RWDD1: variants seen among roughly 807,000 people sequenced by gnomAD.
RWDD1 encodes RWD domain-containing protein 1.
In RWDD1, 17 loss-of-function variants were observed where a neutral mutation model predicts 31.6. That is an observed-to-expected ratio of 0.54 (90% CI 0.37 to 0.81). The LOEUF (loss-of-function observed/expected upper bound fraction) is 0.81, where lower values mean the gene tolerates loss of function less well. Ranked by LOEUF, RWDD1 falls within the 30% of genes least tolerant of loss-of-function variation. The pLI, the probability that RWDD1 is intolerant of heterozygous loss-of-function variation, is 0.00. For missense variants in RWDD1, 204 were observed against 274.5 expected (o/e 0.74, Z 1.82); for synonymous variants, 78 against 94.2 (o/e 0.83, Z 0.99).
intron 1 of RWDD1, among the ~76,000 whole-genome samples, chr6:116,576,604 C>T (rs1774846736): frequency 6.6e-6 from 1 of 152,178 alleles, no homozygotes; most frequent in Non-Finnish European, 1.5e-5. Flanking sequence ...ATTCCCATAT[C>T]TTTTGGTTTC....
At chr6:116,582,591 A>G (rs1370601071) in intron 2 of RWDD1, among the ~76,000 whole-genome samples, 4 of 152,154 alleles carry the variant, frequency 2.6e-5, no homozygotes, top group Admixed American at 6.5e-5. Context: ...ATCCTGTCTT[A>G]AACCTTTTAT....
chr6:116,587,803 T>C (rs1377029429), intron 3 of RWDD1, among the ~76,000 whole-genome samples: 5 of 152,042 alleles, frequency 3.3e-5, no homozygotes, highest in Non-Finnish European at 7.4e-5. Flanking sequence ...CTGAAAATGT[T>C]GGTACTCCAG....
At chr6:116,582,485 G>A (rs918205457) in intron 2 of RWDD1, among the ~76,000 whole-genome samples, 1 of 151,826 alleles carries the variant, frequency 6.6e-6, no homozygotes, top group African/African-American at 2.4e-5. Context: ...TTTTTGGTAA[G>A]AACATTTAAT....
chr6:116,594,968 G>A lies in RWDD1; in HGVS notation c.*1867G>A, dbSNP rs987835740. 5 of 152,124 alleles carry A rather than the reference G, an allele frequency of 3.3e-5. No individual in the cohort carries two copies. Among genetic ancestry groups the A allele is most frequent in the African/African-American group, 7.2e-5 (3 of 41,438 alleles). 9.4% of individuals were successfully genotyped at this position (152,124 alleles called of 1,614,324 possible). ...TTAATACTTTTCAAGGAATCTTCAC[G>A]TCAGCCTTGATCCCAGACCAATAGA... On this transcript the variant is annotated 3_prime_UTR_variant, in exon 7 of 7. Transcript: ENST00000466444.
At chr6:116,582,408 A>G (rs1774962182) in intron 2 of RWDD1, among the ~76,000 whole-genome samples, 2 of 152,096 alleles carry the variant, frequency 1.3e-5, no homozygotes, top group Admixed American at 1.3e-4. Flanking sequence ...AGCTCTATTC[A>G]TAGAAAAGAG....
chr6:116,591,734 G>A (rs1290841038), intron 6 of RWDD1, among the ~76,000 whole-genome samples: 1 of 152,244 alleles, frequency 6.6e-6, no homozygotes, highest in Non-Finnish European at 1.5e-5. Context: ...TCACACCTTT[G>A]ATAGCACTCT....
chr6:116,584,110 C>T (rs925782699), intron 2 of RWDD1, among the ~76,000 whole-genome samples: 1 of 152,208 alleles, frequency 6.6e-6, no homozygotes, highest in African/African-American at 2.4e-5. Context: ...TGCAGAGAGG[C>T]ACCTTGCACT....
rs142923084 is a variant in RWDD1 at position 116,593,011 on chromosome 6, G to A, written c.642G>A (p.Leu214=). ...ACAACGTGGAGGTAGATGAGTCTTTGTTCCAAGAAATGGATGACTTGGAGC... is the reference window on the plus strand; with the variant it reads ...ACAACGTGGAGGTAGATGAGTCTTTATTCCAAGAAATGGATGACTTGGAGC... ...AGNNVEVDES[L]FQEMDDLELE... The change falls in exon 7 of 7, where the codon TTG becomes TTA. Residue 214 remains leucine, a synonymous_variant. Coordinates refer to ENST00000466444, the MANE Select transcript of RWDD1 (RefSeq NM_015952.4). The A allele has an allele frequency of 6.2e-7, 1 of 1,606,012 alleles. No individual in the cohort carries two copies.
At chr6:116,574,964 C>G (rs1774812351) in intron 1 of RWDD1, among the ~76,000 whole-genome samples, 2 of 151,772 alleles carry the variant, frequency 1.3e-5, no homozygotes, top group African/African-American at 4.8e-5. Context: ...CAGCAGAGGT[C>G]TTGCTTTGTT....
chr6:116,597,655 A>G lies in RWDD1; in HGVS notation c.*4554A>G, dbSNP rs1478754068. 1 of 152,020 alleles carries G rather than the reference A, an allele frequency of 6.6e-6. No homozygotes were observed. The highest frequency in any genetic ancestry group is 6.5e-5 in the Admixed American group (1 of 15,268). 9.4% of individuals were successfully genotyped at this position (152,020 alleles called of 1,614,324 possible). On this transcript the variant is annotated 3_prime_UTR_variant, in exon 7 of 7. Coordinates refer to ENST00000466444, the MANE Select transcript of RWDD1 (RefSeq NM_015952.4). ...TTTTTTTAAAAAAACAGGTAAAAAT[A>G]AAATATTTGCCAAAGACTAAGGGTT...
At chr6:116,584,555 T>G (rs1322379450) in intron 2 of RWDD1, among the ~76,000 whole-genome samples, 172 bp from the exon 3 acceptor site, 1 of 151,834 alleles carries the variant, frequency 6.6e-6, no homozygotes, top group Non-Finnish European at 1.5e-5. Context: ...ATGATTTGTT[T>G]CATGTATCTC....
chr6:116,586,360 G>T (rs541790704), intron 3 of RWDD1, among the ~76,000 whole-genome samples: 3 of 151,322 alleles, frequency 2.0e-5, no homozygotes, highest in African/African-American at 7.3e-5. Flanking sequence ...TTTCCTTATG[G>T]TTATATACAT....
chr6:116,581,913 C>G (rs1277839947), intron 2 of RWDD1, among the ~76,000 whole-genome samples: 1 of 151,926 alleles, frequency 6.6e-6, no homozygotes, highest in Non-Finnish European at 1.5e-5. Context: ...TTGTTTCTAT[C>G]TTAACTAATA....
At position 116,592,955 on chromosome 6, in the gene RWDD1, T is replaced by C. The variant is rs940226672; in HGVS notation, c.611-25T>C. On this transcript the variant is annotated intron_variant, in intron 6 of 6. Coordinates refer to ENST00000466444, the MANE Select transcript of RWDD1 (RefSeq NM_015952.4). ...GAGTATAAGACTAAAGGAGATTTTT[T>C]TTTTTTTTTGGTTGCCTTTTGCAGC... is the stretch of plus-strand genomic sequence containing the variant. 4 of 1,596,904 alleles carry C rather than the reference T, an allele frequency of 2.5e-6. No individual in the cohort carries two copies. In the African/African-American group the frequency reaches 4.1e-5, roughly 16 times the overall value.
At chr6:116,578,274 A>G (rs1236702733) in intron 1 of RWDD1, among the ~76,000 whole-genome samples, 1 of 152,170 alleles carries the variant, frequency 6.6e-6, no homozygotes, top group Non-Finnish European at 1.5e-5. Context: ...AATCAGTTAC[A>G]TGTCGGTTTA....
rs1583336483 is a variant in RWDD1, at chr6:116,590,871, T to C, written c.548-17T>C. The C allele has an allele frequency of 1.7e-5, 2 of 115,014 alleles. No individual in the cohort carries two copies. Among genetic ancestry groups the C allele is most frequent in the Non-Finnish European group, 3.4e-5 (2 of 58,024 alleles). The allele number at this position is 115,014 out of a possible 1,614,324, so 7.1% of individuals were successfully genotyped here. A position where few individuals can be genotyped will look rare whatever the true frequency, so the allele number is the denominator to read the frequency against. ...ACTATGCCATTTGAATTAAACATAC[T>C]TTTTTTTTTTTTTTAGGGAAACAAC... On this transcript the variant is annotated splice_polypyrimidine_tract_variant and intron_variant, in intron 5 of 6. Coordinates refer to ENST00000466444, the MANE Select transcript of RWDD1 (RefSeq NM_015952.4).
At chr6:116,590,750 A>G (rs1471029700) in intron 5 of RWDD1, 138 bp from the exon 6 acceptor site, 1 of 1,337,808 alleles carries the variant, frequency 7.5e-7, no homozygotes, top group Non-Finnish European at 9.9e-7. Context: ...TTCATATGCC[A>G]CTTAGCTACT....
rs747308948 is a variant in RWDD1, at chr6:116,595,576, G to A, written c.*2475G>A. 12 of 152,064 alleles carry A rather than the reference G, an allele frequency of 7.9e-5. No homozygotes were observed. The highest frequency in any genetic ancestry group is 1.3e-4 in the Non-Finnish European group (9 of 68,002). The allele number at this position is 152,064 out of a possible 1,614,324, so 9.4% of individuals were successfully genotyped here. ...TGGTAAAGTTTTTGTTTTTCTACTC[G>A]TGCCAGTTGTATTAAAATGTCACTA... is the stretch of plus-strand genomic sequence containing the variant. On this transcript the variant is annotated 3_prime_UTR_variant, in exon 7 of 7. Coordinates refer to ENST00000466444, the MANE Select transcript of RWDD1 (RefSeq NM_015952.4).
At chr6:116,580,023 G>A (rs1402142925) in intron 1 of RWDD1, among the ~76,000 whole-genome samples, 5 of 152,010 alleles carry the variant, frequency 3.3e-5, no homozygotes, top group Non-Finnish European at 1.5e-5. Context: ...TAAAATAAAC[G>A]GTAAACTACC....
Sources: allele counts gnomAD v4.1 joint callset (sites outside exome capture counted in the v4.1 genomes callset), GRCh38; gene constraint gnomAD v4.1.1; transcripts MANE v1.5; gene names NCBI Gene and HGNC (gene_info 2026-07-23, HGNC 2026-07-21).